RGS12: variants seen among roughly 807,000 people sequenced by gnomAD.
RGS12 encodes the protein regulator of G protein signaling 12, also known as regulator of G-protein signaling 12.
Under a neutral mutation model 120.1 loss-of-function variants are expected in RGS12, and 66 were observed. That is an observed-to-expected ratio of 0.55 (90% confidence interval 0.45 to 0.67). The LOEUF (loss-of-function observed/expected upper bound fraction) is 0.67, where lower values mean the gene tolerates loss of function less well. RGS12 is among the 30% of genes least tolerant of loss of function. RGS12 has a pLI of 0.00. For synonymous variants in RGS12, 827 were observed against 804.7 expected (o/e 1.03, Z -0.47); for missense variants, 1,859 against 1,957.7 (o/e 0.95, Z 0.95).
chr4:3,347,415 G>T (rs1311858282), intron 3 of RGS12, among the ~76,000 whole-genome samples: 2 of 152,196 alleles, frequency 1.3e-5, no homozygotes, highest in Non-Finnish European at 2.9e-5. Context: ...CTGCACTCCA[G>T]CCTAGGCAAC....
chr4:3,315,027 A>G (rs756885467), intron 1 of RGS12: 1 of 152,232 alleles, frequency 6.6e-6, no homozygotes, highest in Non-Finnish European at 1.5e-5. Context: ...CCATGTGCCC[A>G]GCCCCCAGTA....
intron 4 of RGS12, among the ~76,000 whole-genome samples, chr4:3,400,434 T>C (rs1447266505): frequency 6.6e-6 from 1 of 152,128 alleles, no homozygotes; most frequent in Non-Finnish European, 1.5e-5. Context: ...AGGGATACAT[T>C]GGTGAACAAA....
chr4:3,288,363 C>T (rs751175073), upstream of RGS12, among the ~76,000 whole-genome samples: 29 of 152,148 alleles, frequency 1.9e-4, no homozygotes, highest in Admixed American at 3.9e-4. The surrounding 1 kb of genome is among the most constrained non-coding windows in gnomAD (Gnocchi z 5.2). Flanking sequence ...GTGTGAGCCG[C>T]GCAGAGGCCT....
chr4:3,369,509 C>T (rs533838864), intron 3 of RGS12, among the ~76,000 whole-genome samples: 4 of 152,224 alleles, frequency 2.6e-5, no homozygotes, highest in South Asian at 2.1e-4. Context: ...GGTCTAATGG[C>T]GAAGCTTCCC....
At chr4:3,428,034 G>A (rs1422965388) in intron 14 of RGS12, 56 bp from the exon 15 acceptor site, 1 of 1,523,218 alleles carries the variant, frequency 6.6e-7, no homozygotes, top group Non-Finnish European at 9.1e-7. Context: ...GGTTGTCTAT[G>A]AAACATTCAG....
intron 2 of RGS12, among the ~76,000 whole-genome samples, chr4:3,329,969 A>G (rs762231794): frequency 6.6e-6 from 1 of 152,208 alleles, no homozygotes; most frequent in Admixed American, 6.5e-5. Context: ...CAAGCTTCCT[A>G]ATAATTTCTA....
intron 14 of RGS12, among the ~76,000 whole-genome samples, chr4:3,427,654 T>G (rs939759215): frequency 2.0e-5 from 3 of 152,090 alleles, no homozygotes; most frequent in African/African-American, 7.2e-5. Flanking sequence ...GAGAATTGCT[T>G]GAACCCAGGA....
At chr4:3,409,963 G>C (rs1485785145) in intron 4 of RGS12, among the ~76,000 whole-genome samples, 1 of 152,198 alleles carries the variant, frequency 6.6e-6, no homozygotes. Flanking sequence ...GTGCTGCTCC[G>C]TGCTGGCTCC....
At chr4:3,331,970 G>T (rs372254171) in intron 2 of RGS12, among the ~76,000 whole-genome samples, 1 of 152,218 alleles carries the variant, frequency 6.6e-6, no homozygotes, top group East Asian at 1.9e-4. Context: ...GCGCTCTCTG[G>T]GGAATGGTAT....
rs542213394 is a variant in RGS12, at chr4:3,365,777, C to T, written c.1999-20639C>T. On this transcript the variant is annotated intron_variant, in intron 3 of 17. Transcript: ENST00000336727. The surrounding 1 kb of genome is among the most constrained non-coding windows in gnomAD (Gnocchi z 4.0). ...TCTTTGCTTGTCTTGGTCTTTCACA[C>T]ACCAGTCTGCTTTTTAAACCCATTA... Among the ~76,000 whole-genome samples the T allele has an allele frequency of 6.6e-6, 1 of 152,338 alleles. No individual in the cohort carries two copies. The highest frequency in any genetic ancestry group is 1.9e-4 in the East Asian group (1 of 5,190).
At chr4:3,422,705 AT>A in intron 11 of RGS12, 135 bp downstream of exon 11, 1 of 1,129,508 alleles carries the variant, frequency 8.9e-7, no homozygotes, top group Non-Finnish European at 1.3e-6. Flanking sequence ...CGGAGGCCGG[AT>A]TATCTGAACT....
At chr4:3,360,264 G>A (rs1715431266) in intron 3 of RGS12, among the ~76,000 whole-genome samples, 1 of 151,780 alleles carries the variant, frequency 6.6e-6, no homozygotes, top group South Asian at 2.1e-4. Flanking sequence ...TTTTCCCTTA[G>A]TTCATTGAGC....
intron 2 of RGS12, 25 bp downstream of exon 2, chr4:3,318,076 C>T: frequency 8.3e-6 from 13 of 1,563,904 alleles, no homozygotes; most frequent in Non-Finnish European, 1.0e-5. Context: ...AGCCACTCAG[C>T]GCGGAGGCCC....
At chr4:3,322,916 C>T (rs1232781456) in intron 2 of RGS12, among the ~76,000 whole-genome samples, 1 of 152,182 alleles carries the variant, frequency 6.6e-6, no homozygotes, top group Non-Finnish European at 1.5e-5. Flanking sequence ...GAGTGAGTTC[C>T]TTCTCAACTG....
chr4:3,434,587 C>T (rs1724632155), intron 17 of RGS12, among the ~76,000 whole-genome samples: 2 of 152,176 alleles, frequency 1.3e-5, no homozygotes, highest in South Asian at 2.1e-4. Context: ...ACTGCTGTGT[C>T]CCGCCTTTAG....
chr4:3,332,888 G>A (rs1243938910), intron 2 of RGS12, among the ~76,000 whole-genome samples: 1 of 152,006 alleles, frequency 6.6e-6, no homozygotes, highest in Admixed American at 6.6e-5. Context: ...GCAGTGGTGC[G>A]ATCTCGGCTC....
In RGS12 at chr4:3,430,669, C is replaced by A; in HGVS notation, c.3828C>A (p.Gly1276=). 6.3e-7 allele frequency: 1 copy of A among 1,588,238 alleles called. No individual in the cohort carries two copies. The highest frequency in any genetic ancestry group is 2.3e-5 in the East Asian group (1 of 44,354). Residue 1276 remains glycine, a synonymous_variant, in exon 17 of 18, where the codon GGC becomes GGA. Transcript: ENST00000336727. ...ESSDSPSTSP[G]SASSPPGPPG... is the part of the protein sequence containing the mutation. Reference sequence around the variant, plus strand: ...GCGACAGCCCGTCCACCAGCCCGGGCTCAGCCTCCAGCCCCCCTGGACCTC... The same window carrying A: ...GCGACAGCCCGTCCACCAGCCCGGGATCAGCCTCCAGCCCCCCTGGACCTC...
intron 3 of RGS12, among the ~76,000 whole-genome samples, chr4:3,368,819 TGA>T (rs1450987871): frequency 6.6e-6 from 1 of 151,780 alleles, no homozygotes; most frequent in East Asian, 1.9e-4. Flanking sequence ...TGGTTTTGTC[TGA>T]GAGATGTGGC....
At chr4:3,376,817 A>C (rs1483469059) in intron 3 of RGS12, among the ~76,000 whole-genome samples, 4 of 151,826 alleles carry the variant, frequency 2.6e-5, no homozygotes. Flanking sequence ...TCTCCTGAAC[A>C]CTCACTCTGT....
Sources: allele counts gnomAD v4.1 joint callset (sites outside exome capture counted in the v4.1 genomes callset), GRCh38; gene constraint gnomAD v4.1.1; non-coding constraint Gnocchi (gnomAD v3.1); transcripts MANE v1.5; gene names NCBI Gene and HGNC (gene_info 2026-07-23, HGNC 2026-07-21).